The following IFT57 variants were observed in gnomAD, a reference collection of about 807,000 sequenced individuals.
IFT57 encodes the protein intraflagellar transport protein 57 homolog.
A neutral mutation model predicts 56.8 loss-of-function variants in IFT57; 59 were observed. The observed-to-expected ratio is 1.04, with a 90% CI of 0.84 to 1.29. IFT57 has a LOEUF of 1.29. Ranked by LOEUF, IFT57 falls within the 50% of genes most tolerant of loss-of-function variation. IFT57 has a pLI of 0.00. For synonymous variants in IFT57, 209 were observed against 186.1 expected (o/e 1.12, Z -1.00); for missense variants, 470 against 522.1 (o/e 0.90, Z 0.97).
chr3:108,178,172 AG>A (rs2080133891), intron 6 of IFT57, among the ~76,000 whole-genome samples: 1 of 151,946 alleles, frequency 6.6e-6, no homozygotes. Flanking sequence ...ATGACAAAGC[AG>A]TGTACTGGTG....
chr3:108,183,908 G>A (rs1420796613), intron 6 of IFT57, among the ~76,000 whole-genome samples: 3 of 152,064 alleles, frequency 2.0e-5, no homozygotes, highest in Non-Finnish European at 2.9e-5. Context: ...ATGGAACATG[G>A]AGAATTCTTT....
chr3:108,160,942 T>C lies in IFT57; in HGVS notation c.*1535A>G, dbSNP rs1036888452. 1 of 152,192 alleles carries C rather than the reference T, an allele frequency of 6.6e-6. No homozygotes were observed. Among genetic ancestry groups the C allele is most frequent in the Non-Finnish European group, 1.5e-5 (1 of 68,028 alleles). 9.4% of individuals were successfully genotyped at this position (152,192 alleles called of 1,614,324 possible). A position where few individuals can be genotyped will look rare whatever the true frequency, so the allele number is the denominator to read the frequency against. ...AAAAATAGGTGGCTTATACTACTCA[T>C]TGCAAGAATTTTTAGATTTTTTACA... On this transcript the variant is annotated 3_prime_UTR_variant, in exon 11 of 11. Transcript: ENST00000264538.
chr3:108,219,687 C>T (rs1261273505), intron 1 of IFT57, 115 bp from the exon 2 acceptor site: 1 of 1,031,828 alleles, frequency 9.7e-7, no homozygotes, highest in Non-Finnish European at 1.4e-6. Context: ...CCCAAATGGC[C>T]ATCAAAAGAC....
chr3:108,176,174 G>A (rs1039051078), intron 6 of IFT57, among the ~76,000 whole-genome samples: 1 of 151,770 alleles, frequency 6.6e-6, no homozygotes, highest in Non-Finnish European at 1.5e-5. Flanking sequence ...CTGTTTTGCA[G>A]TTTTATTTTA....
intron 5 of IFT57, among the ~76,000 whole-genome samples, chr3:108,201,547 C>T (rs1051500973): frequency 2.6e-5 from 4 of 152,110 alleles, no homozygotes; most frequent in African/African-American, 9.7e-5. Flanking sequence ...TTTAATTTCT[C>T]CTGTGAAATA....
In IFT57 at chr3:108,206,714, T is replaced by TA; in HGVS notation, c.586-19dup. ...TCTTCTTCCTTAGAAAATAAATTTT[T>TA]AAAAAATTATTAAAAATTATAATTA... On this transcript the variant is annotated intron_variant, in intron 4 of 10. Coordinates refer to ENST00000264538, the MANE Select transcript of IFT57 (RefSeq NM_018010.4). 3 of 905,350 alleles carry TA rather than the reference T, an allele frequency of 3.3e-6. No homozygotes were observed. Among genetic ancestry groups the TA allele is most frequent in the South Asian group, 3.1e-5 (1 of 32,262 alleles). 56.1% of individuals were successfully genotyped at this position (905,350 alleles called of 1,614,324 possible).
At chr3:108,205,124 T>C (rs552756167) in intron 5 of IFT57, among the ~76,000 whole-genome samples, 1 of 152,228 alleles carries the variant, frequency 6.6e-6, no homozygotes, top group East Asian at 1.9e-4. Flanking sequence ...AGGATAGCTA[T>C]CTCCGTTATC....
chr3:108,216,742 T>C (rs766592585), intron 3 of IFT57, among the ~76,000 whole-genome samples: 2 of 152,068 alleles, frequency 1.3e-5, no homozygotes, highest in Non-Finnish European at 2.9e-5. Context: ...CCATCAAAGG[T>C]TGAATAGAAA....
At chr3:108,180,060 C>T (rs187850273) in intron 6 of IFT57, among the ~76,000 whole-genome samples, 3 of 152,052 alleles carry the variant, frequency 2.0e-5, no homozygotes, top group East Asian at 1.9e-4. Flanking sequence ...TGTACATCAT[C>T]GGTAAGGAAG....
intron 6 of IFT57, among the ~76,000 whole-genome samples, chr3:108,175,840 A>G (rs565966772): frequency 1.3e-5 from 2 of 151,818 alleles, no homozygotes; most frequent in South Asian, 2.1e-4. Context: ...GTGGAGAGGC[A>G]TAGTGCTAAA....
intron 5 of IFT57, among the ~76,000 whole-genome samples, chr3:108,192,702 A>G (rs550223789): frequency 1.6e-4 from 24 of 152,068 alleles, no homozygotes; most frequent in Non-Finnish European, 3.4e-4. Flanking sequence ...ACAGACTTAA[A>G]ATGTATGAAC....
intron 6 of IFT57, among the ~76,000 whole-genome samples, chr3:108,183,877 C>T (rs75000705): frequency 6.6e-6 from 1 of 152,084 alleles, no homozygotes; most frequent in Non-Finnish European, 1.5e-5. Context: ...ATGCATTCAC[C>T]TTTTCTATTT....
chr3:108,176,304 C>T (rs1002249900), intron 6 of IFT57, among the ~76,000 whole-genome samples: 6 of 151,798 alleles, frequency 4.0e-5, no homozygotes, highest in Admixed American at 1.3e-4. Context: ...ATCACTCTAA[C>T]GTATGAGAAA....
In IFT57 at chr3:108,164,731, T is replaced by G. The variant is rs548770956; in HGVS notation, c.1044+700A>C. ...TATTTTTAGTGTTTTAAAATAACTT[T>G]ATTCCTCAAATAATCTCTATAAAAG... is the stretch of plus-strand genomic sequence containing the variant. On this transcript the variant is annotated intron_variant, in intron 9 of 10. Coordinates refer to ENST00000264538, the MANE Select transcript of IFT57 (RefSeq NM_018010.4). 1.2e-3 allele frequency among the ~76,000 whole-genome samples: 180 copies of G among 152,240 alleles called. 1 individual carries two copies. Among genetic ancestry groups the G allele is most frequent in the African/African-American group, 4.2e-3 (175 of 41,564 alleles).
At chr3:108,187,243 T>C (rs1040055132) in intron 6 of IFT57, among the ~76,000 whole-genome samples, 1 of 152,240 alleles carries the variant, frequency 6.6e-6, no homozygotes, top group African/African-American at 2.4e-5. Flanking sequence ...ACTTTCCTAA[T>C]TGTATTCTGT....
At chr3:108,220,536 C>T (rs1029412622) in intron 1 of IFT57, among the ~76,000 whole-genome samples, 1 of 152,168 alleles carries the variant, frequency 6.6e-6, no homozygotes, top group Non-Finnish European at 1.5e-5. Context: ...TGAAGTCCTT[C>T]CAGGTATATG....
intron 8 of IFT57, among the ~76,000 whole-genome samples, chr3:108,166,281 G>C (rs2080062498): frequency 6.6e-6 from 1 of 152,158 alleles, no homozygotes; most frequent in Non-Finnish European, 1.5e-5. Flanking sequence ...AAAGCTTTTA[G>C]ATCCCTACTG....
At chr3:108,179,905 T>TAA (rs34903030) in intron 6 of IFT57, among the ~76,000 whole-genome samples, 4 of 151,870 alleles carry the variant, frequency 2.6e-5, no homozygotes, top group Non-Finnish European at 2.9e-5. Flanking sequence ...CATATTACTT[T>TAA]AAAAAAGTAT....
intron 6 of IFT57, among the ~76,000 whole-genome samples, chr3:108,171,787 TATC>T (rs754834921): frequency 1.3e-5 from 2 of 151,768 alleles, no homozygotes; most frequent in Non-Finnish European, 2.9e-5. Context: ...ATCATTATAT[TATC>T]ATTAATTTTT....
Sources: allele counts gnomAD v4.1 joint callset (sites outside exome capture counted in the v4.1 genomes callset), GRCh38; gene constraint gnomAD v4.1.1; transcripts MANE v1.5; gene names NCBI Gene and HGNC (gene_info 2026-07-23, HGNC 2026-07-21).